The following VPS53 variants were observed in gnomAD, a reference collection of about 807,000 sequenced individuals.
VPS53 encodes VPS53 subunit of GARP complex, also known as vacuolar protein sorting-associated protein 53 homolog.
In VPS53, 70 loss-of-function variants were observed where a neutral mutation model predicts 107.0. The ratio of observed to expected loss-of-function variants is 0.65; its 90% CI spans 0.54 to 0.80. VPS53 has a LOEUF of 0.80. Ranked by LOEUF, VPS53 falls within the 30% of genes least tolerant of loss-of-function variation. VPS53 has a pLI of 0.00. For missense variants in VPS53, 917 were observed against 1,049.4 expected (o/e 0.87, Z 1.74); for synonymous variants, 409 against 393.3 (o/e 1.04, Z -0.47).
At chr17:678,196 G>C (rs912521461) in intron 4 of VPS53, among the ~76,000 whole-genome samples, 1 of 152,112 alleles carries the variant, frequency 6.6e-6, no homozygotes, top group African/African-American at 2.4e-5. Flanking sequence ...GAGGCAGGCG[G>C]ACTGCCTGAG....
At chr17:604,112 T>C (rs1968451115) in intron 11 of VPS53, among the ~76,000 whole-genome samples, 1 of 152,216 alleles carries the variant, frequency 6.6e-6, no homozygotes, top group Non-Finnish European at 1.5e-5. Context: ...CTAAGTCTAT[T>C]GGGTTGATAA....
intron 12 of VPS53, among the ~76,000 whole-genome samples, chr17:601,538 GC>G (rs1316630342): frequency 6.6e-6 from 1 of 152,188 alleles, no homozygotes; most frequent in African/African-American, 2.4e-5. Context: ...AACTCTCCTG[GC>G]CCCACCACAG....
Position 513,418 on chromosome 17 carries a change from G to C in VPS53, c.*5710C>G, listed in dbSNP as rs568024967. The C allele has an allele frequency of 6.6e-6, 1 of 152,208 alleles. No individual in the cohort carries two copies. Among genetic ancestry groups the C allele is most frequent in the Admixed American group, 6.5e-5 (1 of 15,298 alleles). The allele number at this position is 152,208 out of a possible 1,614,324, so 9.4% of individuals were successfully genotyped here. A position where few individuals can be genotyped will look rare whatever the true frequency, so the allele number is the denominator to read the frequency against. On this transcript the variant is annotated 3_prime_UTR_variant, in exon 22 of 22. Coordinates refer to ENST00000437048, the MANE Select transcript of VPS53 (RefSeq NM_001128159.3). ...TCTGATGAATACTAAAACAGGACTG[G>C]GAATTTTTATTTAATATATAAAATG...
intron 19 of VPS53, among the ~76,000 whole-genome samples, chr17:531,477 C>G (rs901085485): frequency 6.6e-6 from 1 of 152,032 alleles, no homozygotes; most frequent in Non-Finnish European, 1.5e-5. Context: ...GGCTTTGGGT[C>G]TGAGCTTACT....
intron 15 of VPS53, among the ~76,000 whole-genome samples, chr17:555,138 C>T (rs1425432611): frequency 6.6e-6 from 1 of 152,236 alleles, no homozygotes; most frequent in East Asian, 1.9e-4. Flanking sequence ...AAAATAAAAT[C>T]CAAATTCCTA....
At chr17:695,115 G>T (rs1397398113) in intron 4 of VPS53, among the ~76,000 whole-genome samples, 1 of 152,196 alleles carries the variant, frequency 6.6e-6, no homozygotes, top group African/African-American at 2.4e-5. Flanking sequence ...GATGAGACTT[G>T]TTCTCTGGTA....
intron 19 of VPS53, among the ~76,000 whole-genome samples, chr17:527,145 CAG>C (rs1301582670): frequency 3.3e-5 from 5 of 152,260 alleles, no homozygotes; most frequent in Non-Finnish European, 7.3e-5. Context: ...TAACGGAAGA[CAG>C]AGCACACTTC....
At chr17:548,130 G>C (rs1468466657) in intron 17 of VPS53, among the ~76,000 whole-genome samples, 1 of 152,204 alleles carries the variant, frequency 6.6e-6, no homozygotes, top group Admixed American at 6.5e-5. Context: ...GCTGCGACTG[G>C]AGAACAGGGC....
intron 12 of VPS53, among the ~76,000 whole-genome samples, chr17:594,567 G>A (rs1159461442): frequency 6.7e-6 from 1 of 150,082 alleles, no homozygotes; most frequent in African/African-American, 2.5e-5. Context: ...GAAGGGGTCT[G>A]GATCAATTTC....
chr17:629,526 G>A (rs1379562181), intron 8 of VPS53, among the ~76,000 whole-genome samples: 1 of 152,156 alleles, frequency 6.6e-6, no homozygotes, highest in Non-Finnish European at 1.5e-5. Context: ...GGGAGGCCAA[G>A]GCAGGCAGAT....
At position 623,540 on chromosome 17, in the gene VPS53, C is replaced by G. The variant is rs538505370; in HGVS notation, c.1109G>C (p.Gly370Ala). The part of the protein sequence containing the change: ...KRFSGCTLTD[G>A]TLKKLESPPP... ...CCCTAGGGAAGGTCTTACCAGGGTCCCATCGGTCAGGGTGCAGCCGGAGAA... is the reference window on the plus strand; with the variant it reads ...CCCTAGGGAAGGTCTTACCAGGGTCGCATCGGTCAGGGTGCAGCCGGAGAA... Residue 370 changes from glycine (G) to alanine (A), a missense_variant, in exon 11 of 22, where the codon GGG (glycine) becomes GCG (alanine). Transcript: ENST00000437048. 4 of 1,611,960 alleles carry G rather than the reference C, an allele frequency of 2.5e-6. No homozygotes were observed. The South Asian group carries it at 4.4e-5, about 18-fold the overall frequency.
chr17:524,391 C>T lies in VPS53; in HGVS notation c.2086-2653G>A, dbSNP rs577675669. ...AACATCAGAAAGAATGAACCACCTA[C>T]CCTAAAATGAAAGGCATCTATATCA... On this transcript the variant is annotated intron_variant, in intron 19 of 21. Transcript: ENST00000437048. The surrounding 1 kb of genome is among the most constrained non-coding windows in gnomAD (Gnocchi z 4.5). 4.6e-5 allele frequency among the ~76,000 whole-genome samples: 7 copies of T among 152,146 alleles called. No individual in the cohort carries two copies. The highest frequency in any genetic ancestry group is 7.3e-5 in the Non-Finnish European group (5 of 68,032).
intron 8 of VPS53, 40 bp from the exon 9 acceptor site, chr17:628,271 A>T: frequency 6.2e-7 from 1 of 1,605,638 alleles, no homozygotes; most frequent in Non-Finnish European, 8.5e-7. Flanking sequence ...AGCCAGAAAC[A>T]ACCTTTAAAC....
chr17:666,541 G>C (rs1265512811), intron 4 of VPS53, among the ~76,000 whole-genome samples: 1 of 152,146 alleles, frequency 6.6e-6, no homozygotes, highest in South Asian at 2.1e-4. Context: ...GCAGGCGCCT[G>C]TAATCCCAGC....
At chr17:639,837 C>T (rs1693071573) in intron 7 of VPS53, among the ~76,000 whole-genome samples, 1 of 152,218 alleles carries the variant, frequency 6.6e-6, no homozygotes, top group South Asian at 2.1e-4. Context: ...AGTTAGGCTA[C>T]TCGGGGGTCA....
At chr17:683,245 A>T (rs1972467375) in intron 4 of VPS53, among the ~76,000 whole-genome samples, 1 of 151,710 alleles carries the variant, frequency 6.6e-6, no homozygotes, top group Admixed American at 6.6e-5. Flanking sequence ...ATGGCTGAGA[A>T]TTTTTTTTTA....
At chr17:567,438 A>C (rs981110688) in intron 13 of VPS53, among the ~76,000 whole-genome samples, 4 of 152,172 alleles carry the variant, frequency 2.6e-5, no homozygotes, top group Admixed American at 6.5e-5. Flanking sequence ...GAAGAATGTA[A>C]GTTACCCCAA....
chr17:534,689 A>G (rs1909881943), intron 18 of VPS53, among the ~76,000 whole-genome samples: 1 of 152,184 alleles, frequency 6.6e-6, no homozygotes, highest in Non-Finnish European at 1.5e-5. Context: ...AGGCCCAGGC[A>G]GGTGGACTGC....
At chr17:574,432 T>A (rs1253969700) in intron 13 of VPS53, among the ~76,000 whole-genome samples, 2 of 152,092 alleles carry the variant, frequency 1.3e-5, no homozygotes, top group Admixed American at 1.3e-4. Context: ...CCAGGTAGGT[T>A]TTGGGAAAGG....
Sources: allele counts gnomAD v4.1 joint callset (sites outside exome capture counted in the v4.1 genomes callset), GRCh38; gene constraint gnomAD v4.1.1; non-coding constraint Gnocchi (gnomAD v3.1); transcripts MANE v1.5; gene names NCBI Gene and HGNC (gene_info 2026-07-23, HGNC 2026-07-21).